Variants in DOK6 observed in about 807,000 individuals in gnomAD.
The protein encoded by DOK6 is docking protein 6, also known as downstream of tyrosine kinase 6.
A neutral mutation model predicts 44.0 loss-of-function variants in DOK6; 22 were observed. The ratio of observed to expected loss-of-function variants is 0.50; its 90% CI spans 0.36 to 0.71. DOK6 has a LOEUF of 0.71. DOK6 is among the 30% of genes least tolerant of loss of function. The pLI, the probability that DOK6 is intolerant of heterozygous loss-of-function variation, is 0.00. For synonymous variants in DOK6, 166 were observed against 145.5 expected, an observed-to-expected ratio of 1.14 and a Z score of -1.01; for missense variants, 340 against 416.4, an observed-to-expected ratio of 0.82 and a Z score of 1.60.
At chr18:69,602,056 TTGCAAATAATTTATGTAGA>T (rs1317605760) in intron 3 of DOK6, among the ~76,000 whole-genome samples, 1 of 152,084 alleles carries the variant, frequency 6.6e-6, no homozygotes, top group Non-Finnish European at 1.5e-5. Context: ...ATGCAGAAAA[TTGCAAATAATTTATGTAGA>T]TGCTCTGTCC....
chr18:69,460,920 G>C (rs747645726), intron 1 of DOK6, among the ~76,000 whole-genome samples: 4 of 152,126 alleles, frequency 2.6e-5, no homozygotes, highest in Non-Finnish European at 5.9e-5. Context: ...TTTTGAACCT[G>C]TCTTGTTTCT....
intron 1 of DOK6, among the ~76,000 whole-genome samples, chr18:69,420,474 C>CTTTA (rs576388512): frequency 2.6e-5 from 4 of 151,894 alleles, no homozygotes; most frequent in African/African-American, 7.3e-5. Flanking sequence ...ATCATTTTCT[C>CTTTA]TTTATTTATT....
intron 2 of DOK6, among the ~76,000 whole-genome samples, chr18:69,566,290 C>G (rs1982980463): frequency 6.6e-6 from 1 of 152,278 alleles, no homozygotes; most frequent in African/African-American, 2.4e-5. Context: ...GCGCCCGCCA[C>G]TGCACCCAGC....
intron 1 of DOK6, among the ~76,000 whole-genome samples, chr18:69,454,767 G>A (rs1452943000): frequency 7.0e-6 from 1 of 143,206 alleles, no homozygotes; most frequent in Non-Finnish European, 1.5e-5. Context: ...TAGGGACATG[G>A]ATGAAATTGG....
At chr18:69,616,565 T>C (rs1984289479) in intron 3 of DOK6, among the ~76,000 whole-genome samples, 1 of 151,606 alleles carries the variant, frequency 6.6e-6, no homozygotes, top group East Asian at 1.9e-4. Context: ...AACTACTAGA[T>C]GTGCAAGAAT....
At chr18:69,794,889 T>C (rs1226038604) in intron 7 of DOK6, among the ~76,000 whole-genome samples, 1 of 152,182 alleles carries the variant, frequency 6.6e-6, no homozygotes, top group East Asian at 1.9e-4. Flanking sequence ...ACCTAATGCC[T>C]GATGATCTGT....
chr18:69,490,141 CA>C (rs773381947), intron 1 of DOK6, among the ~76,000 whole-genome samples: 3 of 150,028 alleles, frequency 2.0e-5, no homozygotes, highest in South Asian at 2.1e-4. Flanking sequence ...CTGAAGAAAA[CA>C]AAAAAAAAGC....
chr18:69,425,315 C>T (rs1244162168), intron 1 of DOK6, among the ~76,000 whole-genome samples: 1 of 151,884 alleles, frequency 6.6e-6, no homozygotes, highest in Non-Finnish European at 1.5e-5. Flanking sequence ...CACAGTGCTA[C>T]CTGCTACTTA....
intron 1 of DOK6, among the ~76,000 whole-genome samples, chr18:69,542,484 A>T (rs1962665): frequency 0.11 from 16,283 of 151,254 alleles, 2,962 homozygotes; most frequent in African/African-American, 0.37. Flanking sequence ...AGAGAAAAAG[A>T]TAAGTTAAGC....
At chr18:69,751,968 T>G (rs906424661) in intron 6 of DOK6, among the ~76,000 whole-genome samples, 1 of 152,198 alleles carries the variant, frequency 6.6e-6, no homozygotes, top group Non-Finnish European at 1.5e-5. Flanking sequence ...ATACCTTCTA[T>G]TCTACTTCAT....
chr18:69,680,212 A>C (rs1219317192), intron 4 of DOK6, among the ~76,000 whole-genome samples: 1 of 152,236 alleles, frequency 6.6e-6, no homozygotes, highest in Non-Finnish European at 1.5e-5. Flanking sequence ...CCTATAAGGA[A>C]ATTTGCAACT....
intron 5 of DOK6, among the ~76,000 whole-genome samples, chr18:69,734,914 A>C (rs1978552502): frequency 6.6e-6 from 1 of 152,194 alleles, no homozygotes; most frequent in South Asian, 2.1e-4. Context: ...TAGAGAGCCA[A>C]GTTTGAGAGT....
chr18:69,628,208 G>T (rs890801063), intron 3 of DOK6, among the ~76,000 whole-genome samples: 2 of 152,160 alleles, frequency 1.3e-5, no homozygotes, highest in African/African-American at 4.8e-5. Context: ...GTTTGGGGAG[G>T]CTTGGTGTGG....
intron 1 of DOK6, among the ~76,000 whole-genome samples, chr18:69,499,566 G>C (rs1009720760): frequency 2.6e-5 from 4 of 152,122 alleles, no homozygotes; most frequent in Non-Finnish European, 5.9e-5. Flanking sequence ...AATTTGGCAG[G>C]TAGATTTTAT....
chr18:69,589,492 C>T (rs1265198872), intron 2 of DOK6, among the ~76,000 whole-genome samples: 3 of 151,946 alleles, frequency 2.0e-5, no homozygotes, highest in African/African-American at 7.2e-5. Flanking sequence ...AAAGTAATTT[C>T]ACTTTTCAAA....
chr18:69,794,400 C>A (rs1033706195), intron 7 of DOK6, among the ~76,000 whole-genome samples: 18 of 152,228 alleles, frequency 1.2e-4, no homozygotes, highest in African/African-American at 3.4e-4. Context: ...TCAATTCCAC[C>A]AAAATATGTT....
intron 7 of DOK6, among the ~76,000 whole-genome samples, chr18:69,787,843 A>G (rs150102240): frequency 4.1e-4 from 62 of 152,344 alleles, no homozygotes; most frequent in African/African-American, 1.4e-3. Flanking sequence ...GTCATACTTA[A>G]AAGGTTGCAA....
chr18:69,572,827 G>C (rs111249780), intron 2 of DOK6, among the ~76,000 whole-genome samples: 127 of 152,112 alleles, frequency 8.3e-4, no homozygotes, highest in Middle Eastern at 3.4e-3. Context: ...TTATGACACA[G>C]AGGTCCTTGA....
At chr18:69,491,119 T>C (rs1747440033) in intron 1 of DOK6, among the ~76,000 whole-genome samples, 2 of 152,234 alleles carry the variant, frequency 1.3e-5, no homozygotes, top group South Asian at 4.1e-4. Flanking sequence ...AAGTGTTATC[T>C]ACATTATCTA....
Sources: allele counts gnomAD v4.1 joint callset (sites outside exome capture counted in the v4.1 genomes callset), GRCh38; gene constraint gnomAD v4.1.1; transcripts MANE v1.5; gene names NCBI Gene and HGNC (gene_info 2026-07-23, HGNC 2026-07-21).